MRPL42: variants seen among roughly 807,000 people sequenced by gnomAD.
MRPL42 encodes the protein mitochondrial ribosomal protein L42.
In MRPL42, 17 loss-of-function variants were observed where a neutral mutation model predicts 17.9. That is an observed-to-expected ratio of 0.95 (90% CI 0.65 to 1.42). The LOEUF is 1.42. Among genes scored for constraint, MRPL42 ranks in the 40% most tolerant of loss-of-function variants. The pLI is 0.00. For missense variants in MRPL42, 177 were observed against 175.2 expected (o/e 1.01, Z -0.06); for synonymous variants, 59 against 54.4 (o/e 1.08, Z -0.37).
At chr12:93,483,021 A>G (rs148660395) in intron 4 of MRPL42, among the ~76,000 whole-genome samples, 113 of 152,152 alleles carry the variant, frequency 7.4e-4, no homozygotes, top group African/African-American at 2.6e-3. Flanking sequence ...CAGCCACCCA[A>G]ATAGCTGGGA....
rs184635151 is a variant in MRPL42 at position 93,512,759 on chromosome 12, G to T, written c.*11538G>T. 7.9e-4 allele frequency: 121 copies of T among 152,314 alleles called. No individual in the cohort carries two copies. The highest frequency in any genetic ancestry group is 2.7e-3 in the African/African-American group (114 of 41,576). The allele number at this position is 152,314 out of a possible 1,614,324, so 9.4% of individuals were successfully genotyped here. A position where few individuals can be genotyped will look rare whatever the true frequency, so the allele number is the denominator to read the frequency against. ...TAATCAAACTATTGTGAATTTGATAGAATGCTTTAAGTTTTATTTTCCAAC... is the reference window on the plus strand; with the variant it reads ...TAATCAAACTATTGTGAATTTGATATAATGCTTTAAGTTTTATTTTCCAAC... On this transcript the variant is annotated 3_prime_UTR_variant, in exon 6 of 6. Coordinates refer to ENST00000549982, the MANE Select transcript of MRPL42 (RefSeq NM_014050.4).
Position 93,514,926 on chromosome 12 carries a change from T to C in MRPL42, c.*13705T>C, listed in dbSNP as rs1953765394. ...TGCATTACATTTTTTAGCAGTCATG[T>C]CATCCTCTTGATTTGCATTGAGTCA... On this transcript the variant is annotated 3_prime_UTR_variant, in exon 6 of 6. Coordinates refer to ENST00000549982, the MANE Select transcript of MRPL42 (RefSeq NM_014050.4). The C allele has an allele frequency of 6.6e-6, 1 of 152,194 alleles. No individual in the cohort carries two copies. Among genetic ancestry groups the C allele is most frequent in the Non-Finnish European group, 1.5e-5 (1 of 68,034 alleles). The allele number at this position is 152,194 out of a possible 1,614,324, so 9.4% of individuals were successfully genotyped here. A position where few individuals can be genotyped will look rare whatever the true frequency, so the allele number is the denominator to read the frequency against.
intron 5 of MRPL42, among the ~76,000 whole-genome samples, chr12:93,497,761 T>C (rs1279389948): frequency 3.3e-5 from 5 of 149,446 alleles, no homozygotes; most frequent in African/African-American, 1.2e-4. Context: ...AAAAAAGGCG[T>C]CCACTCAGGA....
Position 93,477,013 on chromosome 12 carries a change from A to C in MRPL42, c.130A>C (p.Asn44His), listed in dbSNP as rs1179968410. 3 of 1,582,112 alleles carry C rather than the reference A, an allele frequency of 1.9e-6. No individual in the cohort carries two copies. Among genetic ancestry groups the C allele is most frequent in the Non-Finnish European group, 2.6e-6 (3 of 1,155,120 alleles). ...GTATTCTCCTCTACCAGATGACTAT[A>C]ATTGGTATGTATTAAAATTCAATTG... ...STYSPLPDDY[N>H]CNVELALTSD... Residue 44 changes from asparagine to histidine, a missense_variant, in exon 3 of 6, where the codon AAT becomes CAT. Physicochemically the swap from Asn to His is moderately conservative, Grantham distance 68. Transcript: ENST00000549982.
In MRPL42 at chr12:93,513,176, A is replaced by G. The variant is rs1953740528; in HGVS notation, c.*11955A>G. The G allele has an allele frequency of 1.4e-5, 2 of 138,036 alleles. No homozygotes were observed. The highest frequency in any genetic ancestry group is 3.1e-5 in the Non-Finnish European group (2 of 65,292). The allele number at this position is 138,036 out of a possible 1,614,324, so 8.6% of individuals were successfully genotyped here. A position where few individuals can be genotyped will look rare whatever the true frequency, so the allele number is the denominator to read the frequency against. On this transcript the variant is annotated 3_prime_UTR_variant, in exon 6 of 6. Transcript: ENST00000549982. ...AGAAAGAAACCAGCTCATTTGTGAC[A>G]TTTAGAATTTTTTTTTTTTTTTTTT...
chr12:93,500,810 A>G (rs1953576911), intron 5 of MRPL42: 1 of 160,196 alleles, frequency 6.2e-6, no homozygotes. Context: ...ATAGTCAACA[A>G]CTTAGCCACG....
Position 93,501,295 on chromosome 12 carries a change from C to T in MRPL42, c.*74C>T, listed in dbSNP as rs1953591236. The stretch of plus-strand genomic sequence containing the variant: ...TTGAGAAAATGCAGTCTGGTGTATT[C>T]AGTAATATATAGTAAAGTAATAATG... On this transcript the variant is annotated 3_prime_UTR_variant, in exon 6 of 6. Transcript: ENST00000549982. 1.8e-6 allele frequency: 2 copies of T among 1,087,510 alleles called. No individual in the cohort carries two copies. The highest frequency in any genetic ancestry group is 1.6e-5 in the African/African-American group (1 of 61,754). The allele number at this position is 1,087,510 out of a possible 1,614,324, so 67.4% of individuals were successfully genotyped here.
chr12:93,495,411 T>C (rs567265075), intron 5 of MRPL42, among the ~76,000 whole-genome samples: 1 of 152,102 alleles, frequency 6.6e-6, no homozygotes, highest in Non-Finnish European at 1.5e-5. Flanking sequence ...GTTGTTTGTA[T>C]TTTTTGGAGA....
chr12:93,483,411 T>C lies in MRPL42; in HGVS notation c.219+3939T>C, dbSNP rs1380753426. Among the ~76,000 whole-genome samples the C allele has an allele frequency of 3.5e-4, 53 of 152,196 alleles. 1 individual carries two copies. Among genetic ancestry groups the C allele is most frequent in the Admixed American group, 3.5e-3 (53 of 15,278 alleles). The stretch of plus-strand genomic sequence containing the variant: ...GGTGTAGCCTACTACACACCCAGAC[T>C]TTATGGTATAGCCTATTGCTCCCAG... On this transcript the variant is annotated intron_variant, in intron 4 of 5. Transcript: ENST00000549982.
At chr12:93,489,612 C>T (rs907783356) in intron 5 of MRPL42, among the ~76,000 whole-genome samples, 1 of 152,128 alleles carries the variant, frequency 6.6e-6, no homozygotes, top group African/African-American at 2.4e-5. Context: ...CAGCTCACTG[C>T]AACTTCCGCC....
intron 2 of MRPL42, among the ~76,000 whole-genome samples, chr12:93,470,236 C>T (rs530334290): frequency 6.6e-6 from 1 of 152,190 alleles, no homozygotes; most frequent in East Asian, 1.9e-4. Flanking sequence ...TTCTCGAAAG[C>T]TTGTTAATAC....
intron 3 of MRPL42, among the ~76,000 whole-genome samples, chr12:93,478,813 T>C (rs953195358): frequency 6.6e-6 from 1 of 152,210 alleles, no homozygotes; most frequent in Non-Finnish European, 1.5e-5. Flanking sequence ...AGCTGACATA[T>C]TCTGTGGGAT....
chr12:93,491,016 A>G (rs1360975092), intron 5 of MRPL42, among the ~76,000 whole-genome samples: 1 of 151,952 alleles, frequency 6.6e-6, no homozygotes, highest in East Asian at 1.9e-4. Context: ...TCAGCCTCCC[A>G]AGTAACTGGG....
intron 5 of MRPL42, among the ~76,000 whole-genome samples, chr12:93,494,001 A>G (rs1479453614): frequency 3.8e-5 from 4 of 104,862 alleles, no homozygotes; most frequent in Non-Finnish European, 5.8e-5. Context: ...CTATGCAGAC[A>G]AACAGCAAGT....
chr12:93,497,754 A>AT (rs1434346738), intron 5 of MRPL42, among the ~76,000 whole-genome samples: 8 of 151,780 alleles, frequency 5.3e-5, no homozygotes, highest in South Asian at 4.2e-4. Flanking sequence ...GAAAAAAAAA[A>AT]AAGGCGTCCA....
chr12:93,470,062 A>G (rs1879835969), intron 2 of MRPL42, among the ~76,000 whole-genome samples: 1 of 151,672 alleles, frequency 6.6e-6, no homozygotes, highest in Admixed American at 6.6e-5. Flanking sequence ...ATTTCTTAAA[A>G]TGTGCGAATA....
In MRPL42 at chr12:93,470,751, G is replaced by T. The variant is rs1249230351; in HGVS notation, c.70+1396G>T. Among the ~76,000 whole-genome samples, 3 of 152,310 alleles carry T rather than the reference G, an allele frequency of 2.0e-5. No individual in the cohort carries two copies. In the East Asian group the frequency reaches 5.8e-4, roughly 29 times the overall value. On this transcript the variant is annotated intron_variant, in intron 2 of 5. Coordinates refer to ENST00000549982, the MANE Select transcript of MRPL42 (RefSeq NM_014050.4). ...TTTGCATTAATTCACTTAGGATAAT[G>T]GCCTCCAGCTGCATCTGTGTTGCTG... is the stretch of plus-strand genomic sequence containing the variant.
rs1261687644 is a variant in MRPL42, at chr12:93,503,414, T to C, written c.*2193T>C. 1.3e-5 allele frequency: 2 copies of C among 151,976 alleles called. No individual in the cohort carries two copies. The highest frequency in any genetic ancestry group is 2.9e-5 in the Non-Finnish European group (2 of 67,998). The allele number at this position is 151,976 out of a possible 1,614,324, so 9.4% of individuals were successfully genotyped here. A position where few individuals can be genotyped will look rare whatever the true frequency, so the allele number is the denominator to read the frequency against. On this transcript the variant is annotated 3_prime_UTR_variant, in exon 6 of 6. Coordinates refer to ENST00000549982, the MANE Select transcript of MRPL42 (RefSeq NM_014050.4). The stretch of plus-strand genomic sequence containing the variant: ...TTTTTTTTTAAAGAAAAGGTCTTGC[T>C]GTGTCGCCCAGGATGGAGTGCAGTG...
intron 4 of MRPL42, among the ~76,000 whole-genome samples, chr12:93,484,119 G>A (rs1205366076): frequency 2.6e-5 from 4 of 152,168 alleles, no homozygotes; most frequent in African/African-American, 9.7e-5. Flanking sequence ...TGAGGGGCTT[G>A]CCTGAGGCTG....
Sources: gnomAD v4.1 joint callset for allele counts (sites outside exome capture counted in the v4.1 genomes callset) on GRCh38, gnomAD v4.1.1 for gene constraint, MANE v1.5 for transcripts, NCBI Gene and HGNC (gene_info 2026-07-23, HGNC 2026-07-21) for gene names.